The following UBAC2 variants were observed in gnomAD, a reference collection of about 807,000 sequenced individuals.
UBAC2 encodes ubiquitin-associated domain-containing protein 2.
UBAC2 carries 26 observed loss-of-function variants against 44.0 expected under a neutral mutation model. That is an observed-to-expected ratio of 0.59 (90% CI 0.43 to 0.82). The LOEUF (loss-of-function observed/expected upper bound fraction) is 0.82, where lower values mean the gene tolerates loss of function less well. UBAC2 is among the 40% of genes least tolerant of loss of function. The probability of loss-of-function intolerance (pLI) is 0.00; values close to 1 mark genes in which losing one functional copy is unlikely to be tolerated. For synonymous variants in UBAC2, 155 were observed against 154.3 expected (o/e 1.00, Z -0.04); for missense variants, 329 against 419.4 (o/e 0.78, Z 1.88).
intron 6 of UBAC2, among the ~76,000 whole-genome samples, chr13:99,338,710 C>G (rs2044838497): frequency 6.6e-6 from 1 of 152,220 alleles, no homozygotes; most frequent in Non-Finnish European, 1.5e-5. Flanking sequence ...ACTCTTCAGC[C>G]TACTACAGTC....
In UBAC2 at chr13:99,233,174, G is replaced by A. The variant is rs2043195510; in HGVS notation, c.32-5253G>A. On this transcript the variant is annotated intron_variant, in intron 1 of 8. Transcript: ENST00000403766. ...GTTGCCCCAGCTGGAGTGCAGTGGCGTGATCTCGGCTCACTGCAACCTCCA... is the reference window on the plus strand; with the variant it reads ...GTTGCCCCAGCTGGAGTGCAGTGGCATGATCTCGGCTCACTGCAACCTCCA... Among the ~76,000 whole-genome samples, 3 of 151,006 alleles carry A rather than the reference G, an allele frequency of 2.0e-5. 1 individual carries two copies. The East Asian group carries it at 5.9e-4, about 30-fold the overall frequency.
At chr13:99,256,720 A>AC (rs1472595531) in intron 4 of UBAC2, among the ~76,000 whole-genome samples, 1 of 151,364 alleles carries the variant, frequency 6.6e-6, no homozygotes, top group Admixed American at 6.6e-5. Flanking sequence ...CAAAAAAAAA[A>AC]AAACCGTCCA....
intron 6 of UBAC2, among the ~76,000 whole-genome samples, chr13:99,326,147 C>T (rs1309909679): frequency 6.6e-6 from 1 of 152,194 alleles, no homozygotes; most frequent in African/African-American, 2.4e-5. Context: ...TGCATTTCTG[C>T]CAACTGTGCA....
chr13:99,314,260 A>AAC, intron 5 of UBAC2, 40 bp downstream of exon 5: 4 of 1,244,984 alleles, frequency 3.2e-6, no homozygotes, highest in Non-Finnish European at 3.1e-6. Context: ...CTTTAACCAG[A>AAC]TCTTTTTTTT....
chr13:99,227,525 G>GT (rs1405879634), intron 1 of UBAC2, among the ~76,000 whole-genome samples: 1 of 152,240 alleles, frequency 6.6e-6, no homozygotes, highest in Non-Finnish European at 1.5e-5. Context: ...TCATTTGGGA[G>GT]TGGGGGTGGG....
Position 99,257,869 on chromosome 13 carries a change from T to C in UBAC2, c.389+13245T>C, listed in dbSNP as rs554422719. Among the ~76,000 whole-genome samples, 3 of 152,360 alleles carry C rather than the reference T, an allele frequency of 2.0e-5. No homozygotes were observed. The South Asian group carries it at 6.2e-4, about 32-fold the overall frequency. Reference sequence around the variant, plus strand: ...AATATTGAAAATAAATGTAAAATCATATTAATGTGGAAAGATGATTATATA... The same window carrying C: ...AATATTGAAAATAAATGTAAAATCACATTAATGTGGAAAGATGATTATATA... On this transcript the variant is annotated intron_variant, in intron 4 of 8. Transcript: ENST00000403766.
chr13:99,340,617 A>T (rs745660446), intron 7 of UBAC2, 52 bp downstream of exon 7: 6 of 1,574,110 alleles, frequency 3.8e-6, no homozygotes, highest in Non-Finnish European at 5.2e-6. Context: ...TGGCCCAAGC[A>T]AATCTTTCCT....
At chr13:99,223,390 G>T (rs1208081179) in intron 1 of UBAC2, among the ~76,000 whole-genome samples, 2 of 151,906 alleles carry the variant, frequency 1.3e-5, no homozygotes, top group African/African-American at 2.4e-5. Context: ...TGCTAGAAGT[G>T]TATCAGTTTT....
intron 2 of UBAC2, among the ~76,000 whole-genome samples, chr13:99,242,372 C>T (rs1254253497): frequency 2.7e-5 from 4 of 147,634 alleles, no homozygotes; most frequent in Non-Finnish European, 6.0e-5. Context: ...GCTGTCCGGG[C>T]AGAGGGGCTC....
At chr13:99,307,357 G>T (rs910617885) in intron 4 of UBAC2, 1 of 151,998 alleles carries the variant, frequency 6.6e-6, no homozygotes, top group African/African-American at 2.4e-5. Context: ...TGACTCGTTC[G>T]GGTCTCTGTG....
intron 7 of UBAC2, chr13:99,351,561 A>G (rs1452874339): frequency 2.2e-6 from 1 of 456,726 alleles, no homozygotes; most frequent in Admixed American, 2.3e-5. Context: ...TGGAAATGTG[A>G]ATTCTCTCTT....
intron 4 of UBAC2, among the ~76,000 whole-genome samples, chr13:99,290,741 A>AAAAAG (rs2044078852): frequency 6.6e-6 from 1 of 151,568 alleles, no homozygotes; most frequent in African/African-American, 2.4e-5. Flanking sequence ...AAAAAAAAAA[A>AAAAAG]AAAGAAAGAA....
At chr13:99,247,254 G>A (rs1205345122) in intron 4 of UBAC2, among the ~76,000 whole-genome samples, 1 of 150,232 alleles carries the variant, frequency 6.7e-6, no homozygotes, top group African/African-American at 2.5e-5. Flanking sequence ...TCGCTCTGTC[G>A]CCCAGGCTGG....
At chr13:99,366,453 C>T (rs1465268986) in intron 7 of UBAC2, among the ~76,000 whole-genome samples, 3 of 152,124 alleles carry the variant, frequency 2.0e-5, no homozygotes, top group Admixed American at 6.5e-5. Context: ...TTGGCTCCTT[C>T]GATATCTCCA....
At chr13:99,247,749 A>C (rs2043405218) in intron 4 of UBAC2, among the ~76,000 whole-genome samples, 1 of 152,204 alleles carries the variant, frequency 6.6e-6, no homozygotes, top group Non-Finnish European at 1.5e-5. Context: ...AACTTAAAAT[A>C]AAAATATGTG....
chr13:99,385,479 C>A lies in UBAC2; in HGVS notation c.*144C>A. 1.6e-6 allele frequency: 1 copy of A among 624,100 alleles called. No individual in the cohort carries two copies. Among genetic ancestry groups the A allele is most frequent in the Non-Finnish European group, 2.8e-6 (1 of 352,070 alleles). 38.7% of individuals were successfully genotyped at this position (624,100 alleles called of 1,614,324 possible). On this transcript the variant is annotated 3_prime_UTR_variant, in exon 9 of 9. Coordinates refer to ENST00000403766, the MANE Select transcript of UBAC2 (RefSeq NM_001144072.2). ...GGTTCCACCGCACCCCTGCCCTCAA[C>A]CGCAAGACTGTTGCCGTTTTAGTGT...
At chr13:99,370,292 A>C (rs1472773632) in intron 8 of UBAC2, among the ~76,000 whole-genome samples, 1 of 152,182 alleles carries the variant, frequency 6.6e-6, no homozygotes, top group Non-Finnish European at 1.5e-5. Flanking sequence ...TGTATGTGTG[A>C]CAGAGACAGA....
intron 8 of UBAC2, 48 bp from the exon 9 acceptor site, chr13:99,385,180 A>T: frequency 7.3e-7 from 1 of 1,376,416 alleles, no homozygotes; most frequent in Non-Finnish European, 1.0e-6. Context: ...CCCAGGGATA[A>T]GCGGCAATGT....
intron 4 of UBAC2, chr13:99,313,462 G>C (rs2044442635): frequency 6.6e-6 from 1 of 152,316 alleles, no homozygotes; most frequent in Non-Finnish European, 1.5e-5. Context: ...AACCAGGTGA[G>C]GGGTGGGCAG....
Sources: allele counts gnomAD v4.1 joint callset (sites outside exome capture counted in the v4.1 genomes callset), GRCh38; gene constraint gnomAD v4.1.1; transcripts MANE v1.5; gene names NCBI Gene and HGNC (gene_info 2026-07-23, HGNC 2026-07-21).